PCDHGA5: variants seen among roughly 807,000 people sequenced by gnomAD.
The protein encoded by PCDHGA5 is protocadherin gamma subfamily A, 5, also known as protocadherin gamma-A5.
PCDHGA5 carries 36 observed loss-of-function variants against 56.7 expected under a neutral mutation model. The ratio of observed to expected loss-of-function variants is 0.64; its 90% CI spans 0.49 to 0.84. PCDHGA5 has a LOEUF of 0.84. PCDHGA5 is among the 40% of genes least tolerant of loss of function. PCDHGA5 has a pLI of 0.00. For synonymous variants in PCDHGA5, 563 were observed against 520.2 expected (o/e 1.08, Z -1.12); for missense variants, 1,305 against 1,201.5 (o/e 1.09, Z -1.27).
chr5:141,390,544 G>A, intron 1 of PCDHGA5: 1 of 505,664 alleles, frequency 2.0e-6, no homozygotes, highest in Non-Finnish European at 3.5e-6. Flanking sequence ...ACCACAAAGT[G>A]AAAGTGTTAG....
intron 1 of PCDHGA5, among the ~76,000 whole-genome samples, chr5:141,430,247 G>T (rs1003479541): frequency 9.7e-6 from 1 of 102,928 alleles, no homozygotes; most frequent in Non-Finnish European, 1.8e-5. Flanking sequence ...AACTCCTAGG[G>T]AGACATCTCC....
In PCDHGA5 at chr5:141,500,938, G is replaced by A. The variant is rs1317178701; in HGVS notation, c.2481-4455G>A. On this transcript the variant is annotated intron_variant, in intron 2 of 3. Transcript: ENST00000518069. Reference sequence around the variant, plus strand: ...GGCTGGGGTGCAGTGGCGCCATCTCGGCTCACTGCAAGCTCCACCTCCTGG... The same window carrying A: ...GGCTGGGGTGCAGTGGCGCCATCTCAGCTCACTGCAAGCTCCACCTCCTGG... 2.6e-5 allele frequency among the ~76,000 whole-genome samples: 4 copies of A among 151,060 alleles called. No homozygotes were observed. The East Asian group carries it at 5.8e-4, about 22-fold the overall frequency.
Position 141,487,070 on chromosome 5 carries a change from C to T in PCDHGA5, c.2422-7737C>T. ...TGCTGGGGAGGTGCGGACGGCTGTT[C>T]CTATCCCAGCTGACCTCCCACCACA... On this transcript the variant is annotated intron_variant, in intron 1 of 3. Coordinates refer to ENST00000518069, the MANE Select transcript of PCDHGA5 (RefSeq NM_018918.3). This position sits in a 1 kb window ranked among gnomAD's most constrained non-coding sequence, Gnocchi z 5.0. The T allele has an allele frequency of 6.2e-7, 1 of 1,614,154 alleles. No homozygotes were observed. Among genetic ancestry groups the T allele is most frequent in the Non-Finnish European group, 8.5e-7 (1 of 1,180,008 alleles).
intron 1 of PCDHGA5, among the ~76,000 whole-genome samples, chr5:141,479,846 C>A (rs1350909064): frequency 1.3e-5 from 2 of 152,194 alleles, no homozygotes; most frequent in Admixed American, 6.5e-5. Context: ...TGCAAGGTGA[C>A]TGCAAGGCCT....
chr5:141,421,187 A>G (rs745843422), intron 1 of PCDHGA5: 5 of 1,473,698 alleles, frequency 3.4e-6, no homozygotes, highest in Non-Finnish European at 4.5e-6. Context: ...TTCACAACCA[A>G]CCAGCTCGAG....
At chr5:141,433,273 A>T in intron 1 of PCDHGA5, 1 of 1,258,988 alleles carries the variant, frequency 7.9e-7, no homozygotes. Flanking sequence ...AGCTCACTGC[A>T]GCCTCAAACT....
chr5:141,469,802 C>T (rs2099211446), intron 1 of PCDHGA5, among the ~76,000 whole-genome samples: 1 of 152,022 alleles, frequency 6.6e-6, no homozygotes, highest in Admixed American at 6.6e-5. Flanking sequence ...ATTGCAAAAA[C>T]ATTGTAGATA....
intron 1 of PCDHGA5, chr5:141,404,037 A>T: frequency 6.2e-7 from 1 of 1,613,888 alleles, no homozygotes; most frequent in East Asian, 2.2e-5. Context: ...GACGCACCTC[A>T]GGGAACAGTA....
chr5:141,477,275 G>C lies in PCDHGA5; in HGVS notation c.2422-17532G>C, dbSNP rs1241603826. On this transcript the variant is annotated intron_variant, in intron 1 of 3. Transcript: ENST00000518069. This position sits in a 1 kb window ranked among gnomAD's most constrained non-coding sequence, Gnocchi z 4.9. ...CCTGGATGCTGGCGAGAACGGGCTG[G>C]TGACCTGCGAAGTTCCACCGGGTCT... The C allele has an allele frequency of 2.5e-6, 4 of 1,614,198 alleles. No individual in the cohort carries two copies. The South Asian group carries it at 4.4e-5, about 18-fold the overall frequency.
intron 1 of PCDHGA5, chr5:141,372,834 C>A (rs1343091313): frequency 3.9e-6 from 6 of 1,536,106 alleles, no homozygotes; most frequent in South Asian, 1.2e-5. Flanking sequence ...ACCTTTCCTT[C>A]CATAAATATA....
chr5:141,427,109 C>A lies in PCDHGA5; in HGVS notation c.2421+60358C>A, dbSNP rs141512367. On this transcript the variant is annotated intron_variant, in intron 1 of 3. Coordinates refer to ENST00000518069, the MANE Select transcript of PCDHGA5 (RefSeq NM_018918.3). ...AGGATGAGGGTGTCAATGCGGAGAT[C>A]ACCTACTCTTTCAAATCCCTACGAG... 1,737 of 457,784 alleles carry A rather than the reference C, an allele frequency of 3.8e-3. 17 individuals carry two copies. Among genetic ancestry groups the A allele is most frequent in the Admixed American group, 0.01 (426 of 42,600 alleles). 28.4% of individuals were successfully genotyped at this position (457,784 alleles called of 1,614,324 possible). A position where few individuals can be genotyped will look rare whatever the true frequency, so the allele number is the denominator to read the frequency against.
intron 1 of PCDHGA5, among the ~76,000 whole-genome samples, chr5:141,436,290 T>C (rs2097808305): frequency 6.6e-6 from 1 of 152,164 alleles, no homozygotes; most frequent in Non-Finnish European, 1.5e-5. Flanking sequence ...GAACAAATCA[T>C]TGAGAGTTAG....
intron 1 of PCDHGA5, among the ~76,000 whole-genome samples, chr5:141,466,225 C>A (rs925594512): frequency 2.0e-5 from 3 of 152,028 alleles, no homozygotes; most frequent in Admixed American, 6.6e-5. Flanking sequence ...GGCTGGAGTG[C>A]AGTGGCACCA....
chr5:141,433,987 T>C (rs1332689630), intron 1 of PCDHGA5, among the ~76,000 whole-genome samples: 1 of 152,252 alleles, frequency 6.6e-6, no homozygotes, highest in Non-Finnish European at 1.5e-5. Context: ...GAAGAAGAGT[T>C]TTATATTCTC....
chr5:141,493,340 T>C lies in PCDHGA5; in HGVS notation c.2422-1467T>C, dbSNP rs889623993. Among the ~76,000 whole-genome samples, 1 of 152,202 alleles carries C rather than the reference T, an allele frequency of 6.6e-6. No homozygotes were observed. Among genetic ancestry groups the C allele is most frequent in the Admixed American group, 6.5e-5 (1 of 15,288 alleles). Reference sequence around the variant, plus strand: ...TTCTAACCCCTGTCTAACTCCAGAATGTGTGCTTTTAATTTCTTGGCACTT... The same window carrying C: ...TTCTAACCCCTGTCTAACTCCAGAACGTGTGCTTTTAATTTCTTGGCACTT... On this transcript the variant is annotated intron_variant, in intron 1 of 3. Coordinates refer to ENST00000518069, the MANE Select transcript of PCDHGA5 (RefSeq NM_018918.3). The surrounding 1 kb of genome is among the most constrained non-coding windows in gnomAD (Gnocchi z 4.3).
chr5:141,467,084 A>T, intron 1 of PCDHGA5, among the ~76,000 whole-genome samples: 1 of 142,674 alleles, frequency 7.0e-6, no homozygotes, highest in African/African-American at 2.6e-5. Context: ...ACCAAGTCTC[A>T]CTCTGTCACA....
chr5:141,487,032 C>T lies in PCDHGA5; in HGVS notation c.2422-7775C>T. 6.2e-7 allele frequency: 1 copy of T among 1,614,210 alleles called. No individual in the cohort carries two copies. The highest frequency in any genetic ancestry group is 1.1e-5 in the South Asian group (1 of 91,084). ...GAGGCCCCAGATCCCAGCCTGTTTG[C>T]AGTCTCTCGATATGCTGGGGAGGTG... On this transcript the variant is annotated intron_variant, in intron 1 of 3. Coordinates refer to ENST00000518069, the MANE Select transcript of PCDHGA5 (RefSeq NM_018918.3). The surrounding 1 kb of genome is among the most constrained non-coding windows in gnomAD (Gnocchi z 5.0).
In PCDHGA5 at chr5:141,431,544, T is replaced by C. The variant is rs1409551731; in HGVS notation, c.2422-63263T>C. 1.2e-6 allele frequency: 2 copies of C among 1,614,152 alleles called. No individual in the cohort carries two copies. The highest frequency in any genetic ancestry group is 2.2e-5 in the South Asian group (2 of 91,092). ...AATCTGGCCTTGGGCACGCAGCTGC[T>C]TGTAGTCAACGCTACCGACCCTGAC... On this transcript the variant is annotated intron_variant, in intron 1 of 3. Coordinates refer to ENST00000518069, the MANE Select transcript of PCDHGA5 (RefSeq NM_018918.3). The surrounding 1 kb of genome is among the most constrained non-coding windows in gnomAD (Gnocchi z 4.8).
chr5:141,486,985 T>C lies in PCDHGA5; in HGVS notation c.2422-7822T>C. On this transcript the variant is annotated intron_variant, in intron 1 of 3. Coordinates refer to ENST00000518069, the MANE Select transcript of PCDHGA5 (RefSeq NM_018918.3). The surrounding 1 kb of genome is among the most constrained non-coding windows in gnomAD (Gnocchi z 5.0). ...TGGACTTGGATTCAGGTTACAATGC[T>C]TGGGTTTCCTATCAGCTCCTGGAGG... 1 of 1,614,208 alleles carries C rather than the reference T, an allele frequency of 6.2e-7. No individual in the cohort carries two copies. The highest frequency in any genetic ancestry group is 8.5e-7 in the Non-Finnish European group (1 of 1,180,040).
Sources: gnomAD v4.1 joint callset for allele counts (sites outside exome capture counted in the v4.1 genomes callset) on GRCh38, gnomAD v4.1.1 for gene constraint, Gnocchi (gnomAD v3.1) non-coding constraint, MANE v1.5 for transcripts, NCBI Gene and HGNC (gene_info 2026-07-23, HGNC 2026-07-21) for gene names.